ALYREF: variants seen among roughly 807,000 people sequenced by gnomAD.
ALYREF encodes Aly/REF export factor.
ALYREF carries 1 observed loss-of-function variant against 25.2 expected under a neutral mutation model. The observed-to-expected ratio is 0.04, with a 90% CI of 0.01 to 0.19. The LOEUF (loss-of-function observed/expected upper bound fraction) is 0.19, where lower values mean the gene tolerates loss of function less well. Among genes scored for constraint, ALYREF ranks in the 10% least tolerant of loss-of-function variants. The pLI, the probability that ALYREF is intolerant of heterozygous loss-of-function variation, is 1.00. For missense variants in ALYREF, 328 were observed against 375.6 expected (o/e 0.87, Z 1.05); for synonymous variants, 193 against 153.5 (o/e 1.26, Z -1.90).
At position 81,888,461 on chromosome 17, in the gene ALYREF, TAA is replaced by T; in HGVS notation, c.603-45_603-44del. On this transcript the variant is annotated intron_variant, in intron 4 of 5. Coordinates refer to ENST00000505490, the MANE Select transcript of ALYREF (RefSeq NM_005782.4). The surrounding 1 kb of genome is among the most constrained non-coding windows in gnomAD (Gnocchi z 5.8). ...ACCGTTCACACACCCGGAAGGACCC[TAA>T]GAGCGACGCAGCCTCACCCTCGGCC... The T allele has an allele frequency of 6.2e-7, 1 of 1,605,354 alleles. No homozygotes were observed. Among genetic ancestry groups the T allele is most frequent in the Non-Finnish European group, 8.5e-7 (1 of 1,174,052 alleles).
chr17:81,890,861 A>C (rs2039508146), intron 1 of ALYREF, 41 bp from the exon 2 acceptor site: 1 of 1,613,142 alleles, frequency 6.2e-7, no homozygotes, highest in Non-Finnish European at 8.5e-7. Flanking sequence ...TGTGAGTCTC[A>C]GTCCAGGGCT....
chr17:81,890,940 C>T, intron 1 of ALYREF, 120 bp from the exon 2 acceptor site: 1 of 1,453,782 alleles, frequency 6.9e-7, no homozygotes, highest in Non-Finnish European at 9.3e-7. Context: ...CGAAACGGGG[C>T]CGCCAGCGCT....
Position 81,888,116 on chromosome 17 carries a change from G to A in ALYREF, c.*15C>T. The A allele has an allele frequency of 6.2e-7, 1 of 1,614,102 alleles. No individual in the cohort carries two copies. Among genetic ancestry groups the A allele is most frequent in the South Asian group, 1.1e-5 (1 of 91,078 alleles). ...ACGCCTGGGTCCTGTTCCGCACGCG[G>A]ATTTGCTGGTCTGTTTAACTGGTGT... On this transcript the variant is annotated 3_prime_UTR_variant, in exon 6 of 6. Coordinates refer to ENST00000505490, the MANE Select transcript of ALYREF (RefSeq NM_005782.4). This position sits in a 1 kb window ranked among gnomAD's most constrained non-coding sequence, Gnocchi z 5.8.
rs2039455188 is a variant in ALYREF, at chr17:81,888,015, T to C, written c.*116A>G. 3.8e-6 allele frequency: 5 copies of C among 1,318,160 alleles called. No individual in the cohort carries two copies. The African/African-American group carries it at 7.5e-5, about 20-fold the overall frequency. The allele number at this position is 1,318,160 out of a possible 1,614,324, so 81.7% of individuals were successfully genotyped here. Reference sequence around the variant, plus strand: ...TTACATGAGTTTTTAAATCCTATTTTAAAACATAAAAGAAACAAATCCATC... The same window carrying C: ...TTACATGAGTTTTTAAATCCTATTTCAAAACATAAAAGAAACAAATCCATC... On this transcript the variant is annotated 3_prime_UTR_variant, in exon 6 of 6. Coordinates refer to ENST00000505490, the MANE Select transcript of ALYREF (RefSeq NM_005782.4). This position sits in a 1 kb window ranked among gnomAD's most constrained non-coding sequence, Gnocchi z 5.8.
At chr17:81,889,615 C>T (rs1437857907) in intron 2 of ALYREF, among the ~76,000 whole-genome samples, 2 of 152,222 alleles carry the variant, frequency 1.3e-5, no homozygotes, top group Non-Finnish European at 2.9e-5. Flanking sequence ...AAGCCACTAT[C>T]CTCTTCAACA....
chr17:81,890,573 C>T, intron 2 of ALYREF, 116 bp downstream of exon 2: 1 of 1,488,854 alleles, frequency 6.7e-7, no homozygotes, highest in South Asian at 1.3e-5. Context: ...TGCAGCCCTT[C>T]AGAGCTGGGA....
At chr17:81,890,905 T>C in intron 1 of ALYREF, 85 bp from the exon 2 acceptor site, 1 of 1,583,698 alleles carries the variant, frequency 6.3e-7, no homozygotes, top group Non-Finnish European at 8.6e-7. Context: ...GGACCCTTCC[T>C]CTTCCCGGCC....
rs1340323433 is a variant in ALYREF at position 81,890,856 on chromosome 17, G to C, written c.259-36C>G. On this transcript the variant is annotated intron_variant, in intron 1 of 5. Transcript: ENST00000505490. ...AACCGCAACAAGAGCAGATCTGTGA[G>C]TCTCAGTCCAGGGCTTTCCTGACCC... 6 of 1,613,824 alleles carry C rather than the reference G, an allele frequency of 3.7e-6. No homozygotes were observed. The African/African-American group carries it at 4.0e-5, about 11-fold the overall frequency.
Position 81,888,456 on chromosome 17 carries a change from GACCC to G in ALYREF, c.603-42_603-39del. ...ACGAAACCGTTCACACACCCGGAAGGACCCTAAGAGCGACGCAGCCTCACCCTCG... is the reference window on the plus strand; with the variant it reads ...ACGAAACCGTTCACACACCCGGAAGGTAAGAGCGACGCAGCCTCACCCTCG... On this transcript the variant is annotated intron_variant, in intron 4 of 5. Transcript: ENST00000505490. The surrounding 1 kb of genome is among the most constrained non-coding windows in gnomAD (Gnocchi z 5.8). 6.2e-7 allele frequency: 1 copy of G among 1,603,682 alleles called. No homozygotes were observed. Among genetic ancestry groups the G allele is most frequent in the Non-Finnish European group, 8.5e-7 (1 of 1,172,736 alleles).
chr17:81,891,459 G>A lies in ALYREF; in HGVS notation c.122C>T (p.Ser41Phe). Residue 41 changes from serine (S) to phenylalanine (F), a missense_variant, in exon 1 of 6, where the codon TCC becomes TTC. Around this residue, in one of 3 missense-constraint regions of ALYREF, gnomAD observed 150 missense variants for 135.3 expected, o/e 1.11. Coordinates refer to ENST00000505490, the MANE Select transcript of ALYREF (RefSeq NM_005782.4). The part of the protein sequence containing the change: ...GGGRGRGRAG[S>F]QGGRGGGAQA... ...CGCCCCACCGCCGCGGCCGCCCTGGGAGCCGGCCCGGCCGCGGCCCCGGCC... is the reference window on the plus strand; with the variant it reads ...CGCCCCACCGCCGCGGCCGCCCTGGAAGCCGGCCCGGCCGCGGCCCCGGCC... 1 of 1,079,814 alleles carries A rather than the reference G, an allele frequency of 9.3e-7. No homozygotes were observed. Among genetic ancestry groups the A allele is most frequent in the Non-Finnish European group, 1.1e-6 (1 of 889,250 alleles). The allele number at this position is 1,079,814 out of a possible 1,614,324, so 66.9% of individuals were successfully genotyped here.
At position 81,891,393 on chromosome 17, in the gene ALYREF, C is replaced by T. The variant is rs1445536502; in HGVS notation, c.188G>A (p.Arg63Gln). 1 of 1,092,612 alleles carries T rather than the reference C, an allele frequency of 9.2e-7. No individual in the cohort carries two copies. The highest frequency in any genetic ancestry group is 3.4e-5 in the South Asian group (1 of 29,844). The allele number at this position is 1,092,612 out of a possible 1,614,324, so 67.7% of individuals were successfully genotyped here. A position where few individuals can be genotyped will look rare whatever the true frequency, so the allele number is the denominator to read the frequency against. Reference sequence around the variant, plus strand: ...GCCGCGGGCGATGGCCGGCCGGTTCCGGATGGGCCCGCCGCCTCGATTCAC... The same window carrying T: ...GCCGCGGGCGATGGCCGGCCGGTTCTGGATGGGCCCGCCGCCTCGATTCAC... ...ARVNRGGGPI[R>Q]NRPAIARGAA... Residue 63 changes from arginine to glutamine, a missense_variant, in exon 1 of 6, where the codon CGG becomes CAG. By Grantham distance (43) the Arg-to-Gln change is conservative. This residue lies in a region of ALYREF where 150 missense variants were observed against 135.3 expected (regional missense o/e 1.11). Transcript: ENST00000505490.
Position 81,888,589 on chromosome 17 carries a change from G to A in ALYREF, c.539-6C>T, listed in dbSNP as rs1265305480. ...CTGAATGTTCATGGGGCGGCCTGCG[G>A]CAAAGAATACGAGAAGGCACGTTCT... On this transcript the variant is annotated splice_region_variant and splice_polypyrimidine_tract_variant and intron_variant, in intron 3 of 5. Transcript: ENST00000505490. This position sits in a 1 kb window ranked among gnomAD's most constrained non-coding sequence, Gnocchi z 5.8. The A allele has an allele frequency of 1.3e-6, 2 of 1,587,048 alleles. No homozygotes were observed. The highest frequency in any genetic ancestry group is 1.8e-5 in the Admixed American group (1 of 55,442).
Position 81,888,665 on chromosome 17 carries a change from G to A in ALYREF, c.539-82C>T. 6.5e-7 allele frequency: 1 copy of A among 1,538,350 alleles called. No individual in the cohort carries two copies. The highest frequency in any genetic ancestry group is 2.0e-5 in the Admixed American group (1 of 50,564). On this transcript the variant is annotated intron_variant, in intron 3 of 5. Coordinates refer to ENST00000505490, the MANE Select transcript of ALYREF (RefSeq NM_005782.4). The surrounding 1 kb of genome is among the most constrained non-coding windows in gnomAD (Gnocchi z 5.8). ...GCTGGCGCCACACCCTGGTCTCCAT[G>A]CAAACACTGGAAAGGGCCTCTGTGC...
chr17:81,890,740 C>T lies in ALYREF; in HGVS notation c.339G>A (p.Gly113=), dbSNP rs546358507. 4.3e-6 allele frequency: 7 copies of T among 1,614,140 alleles called. No homozygotes were observed. The Admixed American group carries it at 5.0e-5, about 12-fold the overall frequency. ...FGGGAGVETG[G]KLLVSNLDFG... is the part of the protein sequence containing the mutation. ...AATCCAGATTGGACACCAGCAGTTT[C>T]CCACCTGTCTCCACGCCGGCACCAC... The change falls in exon 2 of 6, where the codon GGG becomes GGA. Residue 113 remains glycine (G), a synonymous_variant. Coordinates refer to ENST00000505490, the MANE Select transcript of ALYREF (RefSeq NM_005782.4).
chr17:81,891,527 G>T lies in ALYREF; in HGVS notation c.54C>A (p.Asp18Glu). ...MADKMDMSLD[D>E]IIKLNRSQRG... ...GCTGGCTCCGGTTCAGTTTAATGAT[G>T]TCGTCCAGAGACATGTCCATTTTGT... The change falls in exon 1 of 6, where the codon GAC (aspartate) becomes GAA (glutamate). Residue 18 changes from aspartate to glutamate, a missense_variant. Coordinates refer to ENST00000505490, the MANE Select transcript of ALYREF (RefSeq NM_005782.4). The T allele has an allele frequency of 4.2e-6, 6 of 1,416,546 alleles. No homozygotes were observed. Among genetic ancestry groups the T allele is most frequent in the Non-Finnish European group, 5.6e-6 (6 of 1,080,884 alleles). 87.7% of individuals were successfully genotyped at this position (1,416,546 alleles called of 1,614,324 possible). A position where few individuals can be genotyped will look rare whatever the true frequency, so the allele number is the denominator to read the frequency against.
At chr17:81,890,168 A>G (rs1188001726) in intron 2 of ALYREF, among the ~76,000 whole-genome samples, 1 of 152,042 alleles carries the variant, frequency 6.6e-6, no homozygotes, top group Non-Finnish European at 1.5e-5. Flanking sequence ...AAAAGCTTCA[A>G]CCAAAGATGG....
At position 81,888,000 on chromosome 17, in the gene ALYREF, T is replaced by C. The variant is rs1344304909; in HGVS notation, c.*131A>G. On this transcript the variant is annotated 3_prime_UTR_variant, in exon 6 of 6. Transcript: ENST00000505490. ...AAAAAAAAAAAACCTTTACATGAGTTTTTAAATCCTATTTTAAAACATAAA... is the reference window on the plus strand; with the variant it reads ...AAAAAAAAAAAACCTTTACATGAGTCTTTAAATCCTATTTTAAAACATAAA... 5.1e-6 allele frequency: 6 copies of C among 1,175,128 alleles called. No individual in the cohort carries two copies. In the East Asian group the frequency reaches 1.3e-4, roughly 26 times the overall value. The allele number at this position is 1,175,128 out of a possible 1,614,324, so 72.8% of individuals were successfully genotyped here.
intron 1 of ALYREF, 64 bp from the exon 2 acceptor site, chr17:81,890,884 ACGGCTACTCCGGACCCTTCCTCTTCC>A: frequency 1.2e-6 from 2 of 1,608,772 alleles, no homozygotes; most frequent in Non-Finnish European, 1.7e-6. Flanking sequence ...CCTGACCCTC[ACGGCTACTCCGGACCCTTCCTCTTCC>A]CGGCCTGAGA....
chr17:81,889,564 T>G (rs904367043), intron 2 of ALYREF, among the ~76,000 whole-genome samples: 1 of 152,108 alleles, frequency 6.6e-6, no homozygotes, highest in Non-Finnish European at 1.5e-5. Flanking sequence ...ACGATGCAGG[T>G]AGAGGAAGCT....
Sources: gnomAD v4.1 joint callset for allele counts (sites outside exome capture counted in the v4.1 genomes callset) on GRCh38, gnomAD v4.1.1 for gene constraint, gnomAD v4.1.1 regional missense constraint, Gnocchi (gnomAD v3.1) non-coding constraint, MANE v1.5 for transcripts, NCBI Gene and HGNC (gene_info 2026-07-23, HGNC 2026-07-21) for gene names.